Variants in GPR63 observed in about 807,000 individuals in gnomAD.
GPR63 encodes the protein G protein-coupled receptor 63.
GPR63 carries 12 observed loss-of-function variants against 23.1 expected under a neutral mutation model. The ratio of observed to expected loss-of-function variants is 0.52; its 90% CI spans 0.33 to 0.84. The LOEUF (loss-of-function observed/expected upper bound fraction) is 0.84. Ranked by LOEUF, GPR63 falls within the 40% of genes least tolerant of loss-of-function variation. GPR63 has a pLI of 0.02. For synonymous variants in GPR63, 172 were observed against 191.1 expected, an observed-to-expected ratio of 0.90 and a Z score of 0.82; for missense variants, 472 against 515.6, an observed-to-expected ratio of 0.92 and a Z score of 0.82.
At chr6:96,822,847 G>T (rs1562123782) in intron 1 of GPR63, among the ~76,000 whole-genome samples, 1 of 152,178 alleles carries the variant, frequency 6.6e-6, no homozygotes, top group African/African-American at 2.4e-5. Context: ...GTGAAAAACA[G>T]TGAAAACATA....
Position 96,795,453 on chromosome 6 carries a change from C to T in GPR63, c.*3019G>A, listed in dbSNP as rs898503835. ...TGCTCCATAGTACTTATTTTTAAAG[C>T]TTTCACAATGTATACATAATAAAAA... On this transcript the variant is annotated 3_prime_UTR_variant, in exon 2 of 2. Coordinates refer to ENST00000229955, the MANE Select transcript of GPR63 (RefSeq NM_030784.4). 16 of 152,144 alleles carry T rather than the reference C, an allele frequency of 1.1e-4. No homozygotes were observed. Among genetic ancestry groups the T allele is most frequent in the Admixed American group, 5.2e-4 (8 of 15,262 alleles). The allele number at this position is 152,144 out of a possible 1,614,324, so 9.4% of individuals were successfully genotyped here.
Position 96,799,180 on chromosome 6 carries a change from G to A in GPR63, c.552C>T (p.Val184=). The A allele has an allele frequency of 6.2e-7, 1 of 1,614,108 alleles. No individual in the cohort carries two copies. Among genetic ancestry groups the A allele is most frequent in the Non-Finnish European group, 8.5e-7 (1 of 1,180,016 alleles). The part of the protein sequence containing the change: ...IISIDRFLII[V]QRQDKLNPYR... ...ATGGGTTTAGCTTATCCTGCCTCTG[G>A]ACTATAATAAGGAACCTATCTATGC... The change falls in exon 2 of 2, where the codon GTC becomes GTT. Residue 184 remains valine, a synonymous_variant. Transcript: ENST00000229955.
chr6:96,835,669 G>A (rs1774708008), intron 1 of GPR63, among the ~76,000 whole-genome samples: 1 of 152,124 alleles, frequency 6.6e-6, no homozygotes, highest in Admixed American at 6.5e-5. Context: ...TCAGCTTGCT[G>A]AAATTTTCAG....
intron 1 of GPR63, among the ~76,000 whole-genome samples, chr6:96,826,249 G>T (rs1317528551): frequency 6.6e-6 from 1 of 152,036 alleles, no homozygotes; most frequent in Non-Finnish European, 1.5e-5. Flanking sequence ...AAAGCTAAAT[G>T]TGACTGGCAG....
intron 1 of GPR63, among the ~76,000 whole-genome samples, chr6:96,832,411 C>T (rs1201875759): frequency 6.7e-6 from 1 of 149,288 alleles, no homozygotes; most frequent in Non-Finnish European, 1.5e-5. Flanking sequence ...ACCACAACCA[C>T]GTGCCACCAT....
intron 1 of GPR63, among the ~76,000 whole-genome samples, chr6:96,828,331 A>G (rs1352453519): frequency 6.6e-6 from 1 of 152,046 alleles, no homozygotes; most frequent in Non-Finnish European, 1.5e-5. Context: ...CTACCCTTAT[A>G]GTCTTATTTA....
At chr6:96,800,845 G>GA (rs1773745096) in intron 1 of GPR63, among the ~76,000 whole-genome samples, 1 of 152,186 alleles carries the variant, frequency 6.6e-6, no homozygotes, top group Non-Finnish European at 1.5e-5. Flanking sequence ...GAGATGACTA[G>GA]AAAAATATTC....
intron 1 of GPR63, among the ~76,000 whole-genome samples, chr6:96,803,396 T>A (rs545831715): frequency 6.6e-6 from 1 of 152,220 alleles, no homozygotes; most frequent in Non-Finnish European, 1.5e-5. Flanking sequence ...CTATTAGATA[T>A]AAATTGTCAA....
chr6:96,812,857 G>A (rs1774076755), intron 1 of GPR63, among the ~76,000 whole-genome samples: 1 of 152,002 alleles, frequency 6.6e-6, no homozygotes, highest in African/African-American at 2.4e-5. Flanking sequence ...AACATTTCAA[G>A]TTCTCTCTTC....
chr6:96,808,241 G>C (rs1773949221), intron 1 of GPR63, among the ~76,000 whole-genome samples: 1 of 151,936 alleles, frequency 6.6e-6, no homozygotes, highest in Admixed American at 6.6e-5. Context: ...CAGAAGTCTA[G>C]GTCTGCCAAA....
In GPR63 at chr6:96,795,674, G is replaced by A. The variant is rs1773562389; in HGVS notation, c.*2798C>T. 1 of 152,128 alleles carries A rather than the reference G, an allele frequency of 6.6e-6. No individual in the cohort carries two copies. The highest frequency in any genetic ancestry group is 2.4e-5 in the African/African-American group (1 of 41,422). The allele number at this position is 152,128 out of a possible 1,614,324, so 9.4% of individuals were successfully genotyped here. A position where few individuals can be genotyped will look rare whatever the true frequency, so the allele number is the denominator to read the frequency against. On this transcript the variant is annotated 3_prime_UTR_variant, in exon 2 of 2. Coordinates refer to ENST00000229955, the MANE Select transcript of GPR63 (RefSeq NM_030784.4). ...ATTAAGCAGCATGAAAGTACCTAAA[G>A]ACTGCCCATAAAACAGGAACAAAGA...
rs1773602879 is a variant in GPR63, at chr6:96,797,117, G to C, written c.*1355C>G. 4 of 152,102 alleles carry C rather than the reference G, an allele frequency of 2.6e-5. No homozygotes were observed. Among genetic ancestry groups the C allele is most frequent in the Admixed American group, 2.6e-4 (4 of 15,260 alleles). 9.4% of individuals were successfully genotyped at this position (152,102 alleles called of 1,614,324 possible). A position where few individuals can be genotyped will look rare whatever the true frequency, so the allele number is the denominator to read the frequency against. On this transcript the variant is annotated 3_prime_UTR_variant, in exon 2 of 2. Coordinates refer to ENST00000229955, the MANE Select transcript of GPR63 (RefSeq NM_030784.4). Reference sequence around the variant, plus strand: ...GTGTGCGTGTGTGTGTGTGGTTCCAGCTATTCAGGAGGCTGAGACAGGAGG... The same window carrying C: ...GTGTGCGTGTGTGTGTGTGGTTCCACCTATTCAGGAGGCTGAGACAGGAGG...
Position 96,798,667 on chromosome 6 carries a change from C to T in GPR63, c.1065G>A (p.Trp355Ter). 2 of 1,614,162 alleles carry T rather than the reference C, an allele frequency of 1.2e-6. No individual in the cohort carries two copies. Among genetic ancestry groups the T allele is most frequent in the Non-Finnish European group, 1.7e-6 (2 of 1,180,026 alleles). ...ACTTGAGGTAGCAGAGCCACAGTAG[C>T]CAGGTGCTAATCTCAAAAAAGTTGT... ...YQHNFFEISTWLLWLCYLKSA... is the reference protein window; with the variant it reads ...YQHNFFEIST Residue 355 changes from tryptophan (W) to a stop codon, truncating the protein, a stop_gained, in exon 2 of 2, where the codon TGG (tryptophan) becomes TGA (stop). Coordinates refer to ENST00000229955, the MANE Select transcript of GPR63 (RefSeq NM_030784.4). LOFTEE classifies it high-confidence loss of function.
chr6:96,827,340 C>T (rs1262424967), intron 1 of GPR63, among the ~76,000 whole-genome samples: 5 of 151,686 alleles, frequency 3.3e-5, no homozygotes, highest in African/African-American at 1.2e-4. Flanking sequence ...GAAATTTTTC[C>T]AAATACAATC....
intron 1 of GPR63, among the ~76,000 whole-genome samples, chr6:96,824,312 A>T (rs1302768920): frequency 6.6e-6 from 1 of 152,150 alleles, no homozygotes; most frequent in Non-Finnish European, 1.5e-5. Flanking sequence ...ACCATTTTAA[A>T]TTCAAGAATA....
intron 1 of GPR63, among the ~76,000 whole-genome samples, chr6:96,804,891 G>A (rs1331741344): frequency 1.3e-5 from 2 of 152,080 alleles, no homozygotes; most frequent in African/African-American, 4.8e-5. Flanking sequence ...TTACTGATAA[G>A]CCAACAGTAG....
chr6:96,803,288 G>A (rs776694514), intron 1 of GPR63, among the ~76,000 whole-genome samples: 4 of 152,122 alleles, frequency 2.6e-5, no homozygotes, highest in Non-Finnish European at 5.9e-5. Flanking sequence ...GGTAGCCCAA[G>A]AACAATGCCA....
Position 96,799,696 on chromosome 6 carries a change from G to T in GPR63, c.36C>A (p.Thr12=). The part of the protein sequence containing the change: ...VFSAVLTAFH[T]GTSNTTFVVY... ...CGACAAATGTTGTGTTGGATGTCCC[G>T]GTATGGAACGCAGTCAACACTGCCG... The change falls in exon 2 of 2, where the codon ACC becomes ACA. Residue 12 remains threonine, a synonymous_variant. Transcript: ENST00000229955. 8 of 1,614,124 alleles carry T rather than the reference G, an allele frequency of 5.0e-6. No homozygotes were observed. The highest frequency in any genetic ancestry group is 6.8e-6 in the Non-Finnish European group (8 of 1,180,018).
intron 1 of GPR63, among the ~76,000 whole-genome samples, chr6:96,815,727 T>C (rs79558003): frequency 0.033 from 4,978 of 152,342 alleles, 127 homozygotes; most frequent in Middle Eastern, 0.068. Context: ...CAAATTTTTG[T>C]ATATCATATA....
Sources: allele counts gnomAD v4.1 joint callset (sites outside exome capture counted in the v4.1 genomes callset), GRCh38; gene constraint gnomAD v4.1.1; transcripts MANE v1.5; gene names NCBI Gene and HGNC (gene_info 2026-07-23, HGNC 2026-07-21).